PLCB4: variants seen among roughly 807,000 people sequenced by gnomAD.
PLCB4 encodes phospholipase C beta 4.
A neutral mutation model predicts 178.8 loss-of-function variants in PLCB4; 77 were observed. That is an observed-to-expected ratio of 0.43 (90% CI 0.36 to 0.52). The LOEUF (loss-of-function observed/expected upper bound fraction) is 0.52. PLCB4 is among the 20% of genes least tolerant of loss of function. PLCB4 has a pLI of 0.00. For missense variants in PLCB4, 1,024 were observed against 1,453.4 expected, an observed-to-expected ratio of 0.70 and a Z score of 4.80; for synonymous variants, 496 against 490.8, an observed-to-expected ratio of 1.01 and a Z score of -0.14.
At chr20:9,200,161 T>C (rs978084396) in intron 2 of PLCB4, among the ~76,000 whole-genome samples, 1 of 151,364 alleles carries the variant, frequency 6.6e-6, no homozygotes, top group African/African-American at 2.4e-5. Context: ...CTACTTAGTA[T>C]GTCACTGTGT....
chr20:9,424,512 C>A (rs993676813), intron 28 of PLCB4, among the ~76,000 whole-genome samples: 1 of 152,138 alleles, frequency 6.6e-6, no homozygotes, highest in Non-Finnish European at 1.5e-5. Flanking sequence ...TCCATCTAAG[C>A]CAATACATTA....
At chr20:9,389,062 A>AT (rs2037917561) in intron 15 of PLCB4, among the ~76,000 whole-genome samples, 1 of 152,134 alleles carries the variant, frequency 6.6e-6, no homozygotes, top group Admixed American at 6.5e-5. Flanking sequence ...GAATTTGGGG[A>AT]TTTTTACCAA....
chr20:9,302,655 C>T (rs1012211898), intron 3 of PLCB4, among the ~76,000 whole-genome samples: 4 of 152,062 alleles, frequency 2.6e-5, no homozygotes, highest in African/African-American at 9.7e-5. Flanking sequence ...AGATTAAGGT[C>T]AAAATTACCC....
intron 2 of PLCB4, among the ~76,000 whole-genome samples, chr20:9,141,735 GCAACAAT>G (rs1180276164): frequency 7.9e-5 from 12 of 152,168 alleles, no homozygotes; most frequent in African/African-American, 2.9e-4. Context: ...AGGTCCCAGT[GCAACAAT>G]CAGATAAGAA....
intron 3 of PLCB4, among the ~76,000 whole-genome samples, chr20:9,304,294 T>C (rs1456237109): frequency 6.6e-6 from 1 of 152,096 alleles, no homozygotes; most frequent in African/African-American, 2.4e-5. Flanking sequence ...CTCTCTGTCA[T>C]TAATTTATAT....
intron 3 of PLCB4, among the ~76,000 whole-genome samples, chr20:9,301,817 T>C (rs1008240587): frequency 3.2e-4 from 48 of 152,118 alleles, no homozygotes; most frequent in African/African-American, 1.2e-3. Flanking sequence ...TTTCTTGCAG[T>C]CCAGGGAGTT....
At chr20:9,373,022 C>T in intron 11 of PLCB4, 25 bp from the exon 12 acceptor site, 1 of 1,154,286 alleles carries the variant, frequency 8.7e-7, no homozygotes, top group Non-Finnish European at 1.3e-6. Context: ...CAAAAACTTA[C>T]TTTTTCTAAT....
At chr20:9,196,435 A>T (rs1029264499) in intron 2 of PLCB4, among the ~76,000 whole-genome samples, 1 of 152,178 alleles carries the variant, frequency 6.6e-6, no homozygotes, top group African/African-American at 2.4e-5. Context: ...TTGATGAAGG[A>T]AAGTTATTCC....
At chr20:9,094,801 G>A (rs1225358943) in intron 1 of PLCB4, among the ~76,000 whole-genome samples, 6 of 152,184 alleles carry the variant, frequency 3.9e-5, no homozygotes, top group African/African-American at 1.4e-4. Flanking sequence ...ATTTGGCTTA[G>A]TGTACGTGCA....
chr20:9,447,363 T>C (rs1461942388), intron 32 of PLCB4, among the ~76,000 whole-genome samples: 1 of 152,202 alleles, frequency 6.6e-6, no homozygotes, highest in Non-Finnish European at 1.5e-5. Flanking sequence ...GATGGGGGAC[T>C]GGCTGATTTA....
chr20:9,441,382 TG>T (rs1249751692), intron 30 of PLCB4, among the ~76,000 whole-genome samples: 1 of 152,126 alleles, frequency 6.6e-6, no homozygotes, highest in African/African-American at 2.4e-5. Context: ...GGGGAAGTGA[TG>T]TCATTTGAGA....
Position 9,362,916 on chromosome 20 carries a change from A to T in PLCB4, c.390A>T (p.Arg130Ser), listed in dbSNP as rs769067712. 3.1e-6 allele frequency: 5 copies of T among 1,612,664 alleles called. No homozygotes were observed. The East Asian group carries it at 8.9e-5, about 29-fold the overall frequency. ...TTCAGCAATGGGTAGAAGGCCTGAGATCAATCATACACAACTTCAGGGCCA... is the reference window on the plus strand; with the variant it reads ...TTCAGCAATGGGTAGAAGGCCTGAGTTCAATCATACACAACTTCAGGGCCA... Reference protein sequence around the residue: ...EVTKQWVEGLRSIIHNFRANN... With the variant: ...EVTKQWVEGLSSIIHNFRANN... The change falls in exon 8 of 40, where the codon AGA becomes AGT. Residue 130 changes from arginine (R) to serine (S), a missense_variant. Physicochemically the swap from Arg to Ser is moderately radical, Grantham distance 110. Around this residue, in one of 7 missense-constraint regions of PLCB4, gnomAD observed 225 missense variants for 291.0 expected, o/e 0.77. Transcript: ENST00000378473.
In PLCB4 at chr20:9,387,474, T is replaced by A; in HGVS notation, c.1076T>A (p.Leu359His). ...CACTATATCCCTAGATGTGTTGAACTTGACTGCTGGGATGGAAAAGGTGAA... is the reference window on the plus strand; with the variant it reads ...CACTATATCCCTAGATGTGTTGAACATGACTGCTGGGATGGAAAAGGTGAA... ...VLLAGCRCVE[L>H]DCWDGKGEDQ... Residue 359 changes from leucine to histidine, a missense_variant, in exon 15 of 40, where the codon CTT (leucine) becomes CAT (histidine). Coordinates refer to ENST00000378473, the MANE Select transcript of PLCB4 (RefSeq NM_001377142.1). 6.3e-7 allele frequency: 1 copy of A among 1,580,654 alleles called. No individual in the cohort carries two copies. Among genetic ancestry groups the A allele is most frequent in the African/African-American group, 1.3e-5 (1 of 74,362 alleles).
At chr20:9,257,446 A>T (rs73897323) in intron 3 of PLCB4, among the ~76,000 whole-genome samples, 6 of 152,360 alleles carry the variant, frequency 3.9e-5, no homozygotes, top group Non-Finnish European at 8.8e-5. Flanking sequence ...ATGTAGAACT[A>T]TAACCCTTTA....
At chr20:9,165,103 C>T (rs759775483) in intron 2 of PLCB4, among the ~76,000 whole-genome samples, 2 of 152,166 alleles carry the variant, frequency 1.3e-5, no homozygotes, top group Non-Finnish European at 1.5e-5. Context: ...GTCTGACAGT[C>T]GGCTTTTGAG....
chr20:9,259,824 T>C (rs1423241001), intron 3 of PLCB4, among the ~76,000 whole-genome samples: 2 of 152,156 alleles, frequency 1.3e-5, no homozygotes, highest in Admixed American at 6.5e-5. Context: ...GAATGTAGAA[T>C]ACTTCAATAA....
rs143270161 is a variant in PLCB4, at chr20:9,427,653, A to G, written c.2524+3701A>G. ...CCCATTGCAAGGCTTTATCAGTGTTAGACACTGCTGTAGGAGACAGGAAGC... is the reference window on the plus strand; with the variant it reads ...CCCATTGCAAGGCTTTATCAGTGTTGGACACTGCTGTAGGAGACAGGAAGC... On this transcript the variant is annotated intron_variant, in intron 28 of 39. Coordinates refer to ENST00000378473, the MANE Select transcript of PLCB4 (RefSeq NM_001377142.1). 2.8e-3 allele frequency among the ~76,000 whole-genome samples: 419 copies of G among 152,350 alleles called. 3 individuals are homozygous for G. The highest frequency in any genetic ancestry group is 9.3e-3 in the African/African-American group (386 of 41,586).
At chr20:9,473,463 T>C in intron 38 of PLCB4, 98 bp downstream of exon 38, 1 of 571,462 alleles carries the variant, frequency 1.7e-6, no homozygotes, top group Middle Eastern at 2.8e-4. Flanking sequence ...CATATTGTAA[T>C]TGAAAGGTAG....
intron 4 of PLCB4, among the ~76,000 whole-genome samples, chr20:9,335,861 A>C (rs186824341): frequency 6.6e-6 from 1 of 152,276 alleles, no homozygotes; most frequent in Non-Finnish European, 1.5e-5. Context: ...GGAATACATA[A>C]ATACATACAG....
Sources: allele counts gnomAD v4.1 joint callset (sites outside exome capture counted in the v4.1 genomes callset), GRCh38; gene constraint gnomAD v4.1.1; regional missense constraint gnomAD v4.1.1; transcripts MANE v1.5; gene names NCBI Gene and HGNC (gene_info 2026-07-23, HGNC 2026-07-21).